GAPVD1: variants seen among roughly 807,000 people sequenced by gnomAD.
GAPVD1 encodes GTPase activating protein and VPS9 domains 1, also known as GTPase-activating protein and VPS9 domain-containing protein 1.
Under a neutral mutation model 155.5 loss-of-function variants are expected in GAPVD1, and 35 were observed. The ratio of observed to expected loss-of-function variants is 0.23; its 90% CI spans 0.17 to 0.30. GAPVD1 has a LOEUF of 0.30. Among genes scored for constraint, GAPVD1 ranks in the 10% least tolerant of loss-of-function variants. The pLI, the probability that GAPVD1 is intolerant of heterozygous loss-of-function variation, is 1.00. For synonymous variants in GAPVD1, 636 were observed against 619.7 expected (o/e 1.03, Z -0.39); for missense variants, 1,429 against 1,775.7 (o/e 0.80, Z 3.51).
At chr9:125,275,738 A>G (rs1340322706) in intron 2 of GAPVD1, among the ~76,000 whole-genome samples, 1 of 152,202 alleles carries the variant, frequency 6.6e-6, no homozygotes, top group African/African-American at 2.4e-5. Flanking sequence ...CCTGGGGGAC[A>G]GAGCGAGACT....
intron 1 of GAPVD1, among the ~76,000 whole-genome samples, 166 bp downstream of exon 1, chr9:125,262,125 C>T (rs891528447): frequency 3.9e-5 from 6 of 151,976 alleles, no homozygotes; most frequent in Non-Finnish European, 8.8e-5. Context: ...AGGTGGGGGT[C>T]GGGGGACACT....
chr9:125,312,658 A>G lies in GAPVD1; in HGVS notation c.1602+46A>G, dbSNP rs762191834. 5.0e-6 allele frequency: 7 copies of G among 1,409,454 alleles called. No individual in the cohort carries two copies. In the South Asian group the frequency reaches 9.8e-5, roughly 20 times the overall value. 87.3% of individuals were successfully genotyped at this position (1,409,454 alleles called of 1,614,324 possible). On this transcript the variant is annotated intron_variant, in intron 9 of 27. Transcript: ENST00000297933. ...TAAATCAATATTCATGTCTTAGTCCATACAGGCTGCTGTAACAAAACACCA... is the reference window on the plus strand; with the variant it reads ...TAAATCAATATTCATGTCTTAGTCCGTACAGGCTGCTGTAACAAAACACCA...
rs1235140088 is a variant in GAPVD1, at chr9:125,366,665, A to G, written c.*3919A>G. 6.6e-6 allele frequency: 1 copy of G among 152,244 alleles called. No individual in the cohort carries two copies. Among genetic ancestry groups the G allele is most frequent in the East Asian group, 1.9e-4 (1 of 5,206 alleles). 9.4% of individuals were successfully genotyped at this position (152,244 alleles called of 1,614,324 possible). On this transcript the variant is annotated 3_prime_UTR_variant, in exon 28 of 28. Coordinates refer to ENST00000297933, the MANE Select transcript of GAPVD1 (RefSeq NM_001282680.3). ...ATTTTTAGTAAGTGGATTAACAGTG[A>G]TGAGGTATTTGCGATTACTTTAAAT...
At chr9:125,286,558 G>A (rs755034053) in intron 2 of GAPVD1, among the ~76,000 whole-genome samples, 35 of 151,884 alleles carry the variant, frequency 2.3e-4, no homozygotes, top group Non-Finnish European at 4.0e-4. Context: ...TTTTAGGTAT[G>A]CCTAATGTTA....
rs1289094927 is a variant in GAPVD1 at position 125,337,011 on chromosome 9, G to C, written c.2429-7G>C. On this transcript the variant is annotated splice_region_variant and splice_polypyrimidine_tract_variant and intron_variant, in intron 15 of 27. Coordinates refer to ENST00000297933, the MANE Select transcript of GAPVD1 (RefSeq NM_001282680.3). ...GGCTTGGTCTCACAGTTTCCCTCCTGTTTTAGGTGCCCACCAGCTGACCTC... is the reference window on the plus strand; with the variant it reads ...GGCTTGGTCTCACAGTTTCCCTCCTCTTTTAGGTGCCCACCAGCTGACCTC... The C allele has an allele frequency of 6.3e-7, 1 of 1,592,808 alleles. No individual in the cohort carries two copies. Among genetic ancestry groups the C allele is most frequent in the Admixed American group, 1.7e-5 (1 of 59,970 alleles).
intron 15 of GAPVD1, among the ~76,000 whole-genome samples, chr9:125,336,381 G>GCATAC (rs1846990317): frequency 6.6e-6 from 1 of 151,386 alleles, no homozygotes; most frequent in Admixed American, 6.6e-5. Flanking sequence ...TCCATCCTCT[G>GCATAC]CATACTTATC....
rs747779537 is a variant in GAPVD1, at chr9:125,337,431, T to C, written c.2717T>C (p.Val906Ala). The C allele has an allele frequency of 4.3e-6, 7 of 1,614,182 alleles. 1 individual carries two copies. The South Asian group carries it at 7.7e-5, about 18-fold the overall frequency. Reference protein sequence around the residue: ...RLVRSRSSDIVSSVRRPMSDP... With the variant: ...RLVRSRSSDIASSVRRPMSDP... ...GTTCGAAGCAGGAGCTCTGATATAG[T>C]ATCTTCTGTCCGGAGACCCATGAGT... The change falls in exon 17 of 28, where the codon GTA becomes GCA. Residue 906 changes from valine (V) to alanine (A), a missense_variant. Val to Ala is a moderately conservative substitution (Grantham distance 64, BLOSUM62 0). Coordinates refer to ENST00000297933, the MANE Select transcript of GAPVD1 (RefSeq NM_001282680.3).
chr9:125,349,587 T>G, intron 21 of GAPVD1, 68 bp downstream of exon 21: 1 of 1,366,604 alleles, frequency 7.3e-7, no homozygotes, highest in Non-Finnish European at 1.0e-6. Flanking sequence ...TCACGTCAAG[T>G]CAAGTGATGT....
At chr9:125,266,294 TTTTTA>T (rs1356905067) in intron 1 of GAPVD1, among the ~76,000 whole-genome samples, 28 of 149,556 alleles carry the variant, frequency 1.9e-4, no homozygotes. Context: ...GCCCGGCTAA[TTTTTA>T]TTTTATTTTA....
chr9:125,265,793 G>A (rs1020496378), intron 1 of GAPVD1, among the ~76,000 whole-genome samples: 9 of 147,628 alleles, frequency 6.1e-5, no homozygotes, highest in Non-Finnish European at 8.9e-5. Flanking sequence ...CTGGCCAGGC[G>A]TGGTAGCTCA....
intron 2 of GAPVD1, among the ~76,000 whole-genome samples, chr9:125,270,520 G>T (rs1834726567): frequency 6.6e-6 from 1 of 152,038 alleles, no homozygotes; most frequent in African/African-American, 2.4e-5. Context: ...TTATGATTTT[G>T]TAAAAAATTT....
chr9:125,350,190 T>G (rs911735507), intron 21 of GAPVD1, 105 bp from the exon 22 acceptor site: 1 of 689,806 alleles, frequency 1.4e-6, no homozygotes, highest in African/African-American at 1.9e-5. Context: ...TTAAAATGTT[T>G]GAAACATTTG....
At chr9:125,319,331 A>G (rs975743322) in intron 9 of GAPVD1, among the ~76,000 whole-genome samples, 9 of 151,630 alleles carry the variant, frequency 5.9e-5, no homozygotes, top group Non-Finnish European at 1.5e-5. Context: ...CCATCATTGC[A>G]CCACTGCACT....
chr9:125,275,642 G>A (rs577652352), intron 2 of GAPVD1, among the ~76,000 whole-genome samples: 3 of 152,186 alleles, frequency 2.0e-5, no homozygotes, highest in East Asian at 3.9e-4. Context: ...CCAGCTGCTC[G>A]GTGGGAGGCT....
chr9:125,310,085 C>T (rs1842445182), intron 8 of GAPVD1: 3 of 268,378 alleles, frequency 1.1e-5, no homozygotes. Context: ...GCTCCATGTG[C>T]ATGTTGCTTT....
chr9:125,306,035 C>G (rs78178952), intron 6 of GAPVD1, among the ~76,000 whole-genome samples: 3,058 of 152,264 alleles, frequency 0.02, 77 homozygotes, highest in African/African-American at 0.068. Context: ...AAATTTTAAT[C>G]AGTCTTACTT....
chr9:125,284,755 A>C (rs1470151289), intron 2 of GAPVD1, among the ~76,000 whole-genome samples: 1 of 152,138 alleles, frequency 6.6e-6, no homozygotes, highest in African/African-American at 2.4e-5. Flanking sequence ...TACTCTCCTA[A>C]GCTATATGGC....
At chr9:125,325,611 A>G (rs921210467) in intron 11 of GAPVD1, among the ~76,000 whole-genome samples, 1 of 152,192 alleles carries the variant, frequency 6.6e-6, no homozygotes, top group African/African-American at 2.4e-5. Context: ...GCTTTTTAAA[A>G]ATTCCATTTC....
chr9:125,295,173 GATATTA>G (rs1309480146), intron 2 of GAPVD1, among the ~76,000 whole-genome samples: 3 of 151,922 alleles, frequency 2.0e-5, no homozygotes, highest in African/African-American at 7.3e-5. Flanking sequence ...ATGCTAGTTT[GATATTA>G]ATATTATTAT....
Sources: gnomAD v4.1 joint callset for allele counts (sites outside exome capture counted in the v4.1 genomes callset) on GRCh38, gnomAD v4.1.1 for gene constraint, MANE v1.5 for transcripts, NCBI Gene and HGNC (gene_info 2026-07-23, HGNC 2026-07-21) for gene names.